Variants in CPA1 observed in about 807,000 individuals in gnomAD.
CPA1 encodes the protein carboxypeptidase A1 (pancreatic).
In CPA1, 42 loss-of-function variants were observed where a neutral mutation model predicts 48.7. The observed-to-expected ratio is 0.86, with a 90% CI of 0.67 to 1.11. The LOEUF is 1.11. Ranked by LOEUF, CPA1 falls within the 50% of genes most tolerant of loss-of-function variation. The pLI is 0.00. For missense variants in CPA1, 477 were observed against 544.7 expected (o/e 0.88, Z 1.24); for synonymous variants, 203 against 217.9 (o/e 0.93, Z 0.60).
At chr7:130,384,407 G>C in intron 6 of CPA1, 129 bp from the exon 7 acceptor site, 1 of 736,894 alleles carries the variant, frequency 1.4e-6, no homozygotes, top group Non-Finnish European at 2.3e-6. Context: ...TTGTGTTGAG[G>C]GCTTCCACCT....
In CPA1 at chr7:130,387,588, C is replaced by T. The variant is rs1321708279; in HGVS notation, c.1073-236C>T. 2.6e-5 allele frequency among the ~76,000 whole-genome samples: 4 copies of T among 152,154 alleles called. No individual in the cohort carries two copies. The highest frequency in any genetic ancestry group is 6.5e-5 in the Admixed American group (1 of 15,284). Reference sequence around the variant, plus strand: ...CAATTGCAGAGACTTCCTTGCATCCCCTAGTGAATAGGGGAACCATTGCTG... The same window carrying T: ...CAATTGCAGAGACTTCCTTGCATCCTCTAGTGAATAGGGGAACCATTGCTG... On this transcript the variant is annotated intron_variant, in intron 9 of 9. Transcript: ENST00000011292. The surrounding 1 kb of genome is among the most constrained non-coding windows in gnomAD (Gnocchi z 4.6).
At chr7:130,386,511 G>A (rs546994995) in intron 9 of CPA1, among the ~76,000 whole-genome samples, 5 of 151,814 alleles carry the variant, frequency 3.3e-5, no homozygotes, top group Admixed American at 1.3e-4. Context: ...CAGCCTGGGC[G>A]ACACAGCGAG....
chr7:130,388,007 A>G lies in CPA1; in HGVS notation c.1256A>G (p.Tyr419Cys), dbSNP rs1796502959. Residue 419 changes from tyrosine to cysteine, a missense_variant, in exon 10 of 10, where the codon TAC becomes TGC. Transcript: ENST00000011292. ...TIMEHTLNHP[Y>C] ...ATGGAGCACACCCTGAATCACCCCT[A>G]CTGAGCTGACCCTTTGACACCCTTC... 11 of 1,613,806 alleles carry G rather than the reference A, an allele frequency of 6.8e-6. No homozygotes were observed. Among genetic ancestry groups the G allele is most frequent in the Non-Finnish European group, 9.3e-6 (11 of 1,179,840 alleles).
intron 4 of CPA1, 148 bp from the exon 5 acceptor site, chr7:130,383,243 C>A (rs545968608): frequency 1.1e-5 from 8 of 720,944 alleles, no homozygotes; most frequent in Admixed American, 1.0e-4. Flanking sequence ...CCCAAACCCA[C>A]CTGAGTGATG....
Position 130,381,105 on chromosome 7 carries a change from G to T in CPA1, c.73G>T (p.Val25Leu). The T allele has an allele frequency of 6.2e-7, 1 of 1,613,360 alleles. No homozygotes were observed. Among genetic ancestry groups the T allele is most frequent in the Non-Finnish European group, 8.5e-7 (1 of 1,179,746 alleles). ...CACTCCCACTCTGCCCAGGCATCAG[G>T]TGCTCCGAATCTCTGTAGCCGATGA... ...FGKEDFVGHQ[V>L]LRISVADEAQ... Residue 25 changes from valine (V) to leucine (L), a missense_variant, in exon 2 of 10, where the codon GTG becomes TTG. Physicochemically the swap from Val to Leu is conservative, Grantham distance 32 (BLOSUM62 1). Coordinates refer to ENST00000011292, the MANE Select transcript of CPA1 (RefSeq NM_001868.4).
rs1554411498 is a variant in CPA1 at position 130,383,463 on chromosome 7, C to T, written c.556C>T (p.Gln186Ter). ...TGIHSREWVT[Q>*]ASGVWFAKKI... ...CATCCATTCCCGGGAGTGGGTCACC[C>T]AGGCCAGTGGGGTCTGGTTTGCAAA... The change falls in exon 5 of 10, where the codon CAG becomes TAG. Residue 186 changes from glutamine to a stop codon, truncating the protein, a stop_gained. Coordinates refer to ENST00000011292, the MANE Select transcript of CPA1 (RefSeq NM_001868.4). LOFTEE classifies it high-confidence loss of function. The T allele has an allele frequency of 6.2e-7, 1 of 1,614,186 alleles. No individual in the cohort carries two copies. The highest frequency in any genetic ancestry group is 8.5e-7 in the Non-Finnish European group (1 of 1,180,010).
intron 5 of CPA1, 93 bp downstream of exon 5, chr7:130,383,585 G>C: frequency 7.0e-7 from 1 of 1,421,776 alleles, no homozygotes; most frequent in Non-Finnish European, 9.9e-7. Context: ...CCATCCAGAA[G>C]CAGTGACCAC....
intron 2 of CPA1, among the ~76,000 whole-genome samples, 166 bp downstream of exon 2, chr7:130,381,345 C>T (rs1796401449): frequency 6.6e-6 from 1 of 152,020 alleles, no homozygotes; most frequent in African/African-American, 2.4e-5. Context: ...GCCTTGCTGC[C>T]CTTGAGCACC....
At chr7:130,383,077 A>C (rs1796426942) in intron 4 of CPA1, among the ~76,000 whole-genome samples, 1 of 152,158 alleles carries the variant, frequency 6.6e-6, no homozygotes, top group Non-Finnish European at 1.5e-5. Context: ...CACCACGCCC[A>C]ACCCAGATAA....
At position 130,383,435 on chromosome 7, in the gene CPA1, G is replaced by A. The variant is rs782404811; in HGVS notation, c.528G>A (p.Thr176=). 6.2e-6 allele frequency: 10 copies of A among 1,614,052 alleles called. No homozygotes were observed. The highest frequency in any genetic ancestry group is 2.7e-5 in the African/African-American group (2 of 74,920). The part of the protein sequence containing the change: ...GSKRPAIWID[T]GIHSREWVTQ... ...AGCGTCCAGCCATCTGGATCGACACGGGCATCCATTCCCGGGAGTGGGTCA... is the reference window on the plus strand; with the variant it reads ...AGCGTCCAGCCATCTGGATCGACACAGGCATCCATTCCCGGGAGTGGGTCA... Residue 176 remains threonine (T), a synonymous_variant, in exon 5 of 10, where the codon ACG becomes ACA. Coordinates refer to ENST00000011292, the MANE Select transcript of CPA1 (RefSeq NM_001868.4).
chr7:130,384,657 T>A (rs782434753), intron 7 of CPA1, 31 bp downstream of exon 7: 1 of 1,576,260 alleles, frequency 6.3e-7, no homozygotes, highest in South Asian at 1.1e-5. Context: ...GGAGCAAGGA[T>A]GGGATGGCCT....
chr7:130,381,222 A>C, intron 2 of CPA1, 43 bp downstream of exon 2: 1 of 1,450,554 alleles, frequency 6.9e-7, no homozygotes, highest in African/African-American at 1.4e-5. Context: ...CCAGGGTATC[A>C]GCTGGGGCCA....
chr7:130,387,795 C>T lies in CPA1; in HGVS notation c.1073-29C>T. 2 of 1,603,320 alleles carry T rather than the reference C, an allele frequency of 1.2e-6. No homozygotes were observed. The highest frequency in any genetic ancestry group is 1.7e-6 in the Non-Finnish European group (2 of 1,171,674). Reference sequence around the variant, plus strand: ...GTAAATATTCCCAAAGTGATTGACCCTTTCTCTCCTATTTTACTCCTGCCC... The same window carrying T: ...GTAAATATTCCCAAAGTGATTGACCTTTTCTCTCCTATTTTACTCCTGCCC... On this transcript the variant is annotated intron_variant, in intron 9 of 9. Coordinates refer to ENST00000011292, the MANE Select transcript of CPA1 (RefSeq NM_001868.4). This position sits in a 1 kb window ranked among gnomAD's most constrained non-coding sequence, Gnocchi z 4.6.
In CPA1 at chr7:130,382,219, A is replaced by G. The variant is rs1446594328; in HGVS notation, c.483+10A>G. On this transcript the variant is annotated intron_variant, in intron 4 of 9. Coordinates refer to ENST00000011292, the MANE Select transcript of CPA1 (RefSeq NM_001868.4). ...CATTTACGTGCTGAAGGTAACATCC[A>G]CATGTGGACATACACAGGGGAGAAT... 5 of 1,603,900 alleles carry G rather than the reference A, an allele frequency of 3.1e-6. No individual in the cohort carries two copies. Among genetic ancestry groups the G allele is most frequent in the African/African-American group, 2.7e-5 (2 of 74,734 alleles).
intron 4 of CPA1, among the ~76,000 whole-genome samples, chr7:130,382,852 C>T (rs1341702521): frequency 1.3e-5 from 2 of 151,684 alleles, no homozygotes; most frequent in Non-Finnish European, 2.9e-5. Flanking sequence ...ACCGTATTAG[C>T]CAGGATGGTC....
rs1554412268 is a variant in CPA1 at position 130,388,000 on chromosome 7, C to T, written c.1249C>T (p.His417Tyr). 1 of 1,614,156 alleles carries T rather than the reference C, an allele frequency of 6.2e-7. No individual in the cohort carries two copies. The highest frequency in any genetic ancestry group is 1.1e-5 in the South Asian group (1 of 91,082). Residue 417 changes from histidine to tyrosine, a missense_variant, in exon 10 of 10, where the codon CAC becomes TAC. Coordinates refer to ENST00000011292, the MANE Select transcript of CPA1 (RefSeq NM_001868.4). The surrounding 1 kb of genome is among the most constrained non-coding windows in gnomAD (Gnocchi z 4.6). ...GACCATCATGGAGCACACCCTGAATCACCCCTACTGAGCTGACCCTTTGAC... is the reference window on the plus strand; with the variant it reads ...GACCATCATGGAGCACACCCTGAATTACCCCTACTGAGCTGACCCTTTGAC... ...LLTIMEHTLN[H>Y]PY
At position 130,384,409 on chromosome 7, in the gene CPA1, C is replaced by T. The variant is rs1554411680; in HGVS notation, c.697-127C>T. On this transcript the variant is annotated intron_variant, in intron 6 of 9. Transcript: ENST00000011292. ...CCAATCAGGGCACTTGTGTTGAGGG[C>T]TTCCACCTCCAGGGAGCCCTCCCCT... is the stretch of plus-strand genomic sequence containing the variant. 3 of 752,570 alleles carry T rather than the reference C, an allele frequency of 4.0e-6. No individual in the cohort carries two copies. In the South Asian group the frequency reaches 4.9e-5, roughly 12 times the overall value. The allele number at this position is 752,570 out of a possible 1,614,324, so 46.6% of individuals were successfully genotyped here.
In CPA1 at chr7:130,380,605, GGGGTGCCCTCTGA is replaced by G. The variant is rs1796391566; in HGVS notation, c.65+26_65+38del. On this transcript the variant is annotated intron_variant, in intron 1 of 9. Transcript: ENST00000011292. ...TGTGGGGTAGGGATGTGGAGAGGAG[GGGGTGCCCTCTGA>G]GGGTGATGGGGAGGACTCAGCCCCC... 7.8e-7 allele frequency: 1 copy of G among 1,283,294 alleles called. No individual in the cohort carries two copies. Among genetic ancestry groups the G allele is most frequent in the South Asian group, 3.2e-5 (1 of 31,684 alleles). The allele number at this position is 1,283,294 out of a possible 1,614,324, so 79.5% of individuals were successfully genotyped here.
chr7:130,383,947 T>C lies in CPA1; in HGVS notation c.696+153T>C, dbSNP rs1327681392. On this transcript the variant is annotated intron_variant, in intron 6 of 9. Transcript: ENST00000011292. ...CGAGGGTGTCTCAACAGTGGCGTGA[T>C]TGGCATTTGGGGTGAATGATTCTTT... 41 of 658,996 alleles carry C rather than the reference T, an allele frequency of 6.2e-5. No homozygotes were observed. The East Asian group carries it at 8.3e-4, about 13-fold the overall frequency. 40.8% of individuals were successfully genotyped at this position (658,996 alleles called of 1,614,324 possible).
Sources: gnomAD v4.1 joint callset for allele counts (sites outside exome capture counted in the v4.1 genomes callset) on GRCh38, gnomAD v4.1.1 for gene constraint, Gnocchi (gnomAD v3.1) non-coding constraint, MANE v1.5 for transcripts, NCBI Gene and HGNC (gene_info 2026-07-23, HGNC 2026-07-21) for gene names.